MSI2: variants seen among roughly 807,000 people sequenced by gnomAD.
MSI2 encodes the protein musashi RNA binding protein 2.
A neutral mutation model predicts 45.6 loss-of-function variants in MSI2; 17 were observed. The ratio of observed to expected loss-of-function variants is 0.37; its 90% CI spans 0.26 to 0.56. The LOEUF (loss-of-function observed/expected upper bound fraction) is 0.56. Among genes scored for constraint, MSI2 ranks in the 20% least tolerant of loss-of-function variants. MSI2 has a pLI of 0.77. For synonymous variants in MSI2, 156 were observed against 158.2 expected (o/e 0.99, Z 0.11); for missense variants, 293 against 444.2 (o/e 0.66, Z 3.06).
chr17:57,654,709 T>C (rs72834961), intron 11 of MSI2, among the ~76,000 whole-genome samples: 1 of 152,216 alleles, frequency 6.6e-6, no homozygotes, highest in Non-Finnish European at 1.5e-5. Context: ...CATTCCCTTA[T>C]AGGGAGACAC....
At chr17:57,432,234 T>C (rs1800925156) in intron 6 of MSI2, among the ~76,000 whole-genome samples, 1 of 152,126 alleles carries the variant, frequency 6.6e-6, no homozygotes, top group Non-Finnish European at 1.5e-5. Flanking sequence ...GTCTGTGACG[T>C]AGAGGGTGTG....
intron 7 of MSI2, among the ~76,000 whole-genome samples, chr17:57,547,332 T>C (rs943229232): frequency 6.6e-5 from 10 of 152,134 alleles, no homozygotes; most frequent in Admixed American, 3.9e-4. Context: ...GCTGGTGCTC[T>C]AGAAAGATCC....
At chr17:57,290,342 C>T (rs946933877) in intron 5 of MSI2, among the ~76,000 whole-genome samples, 5 of 152,156 alleles carry the variant, frequency 3.3e-5, no homozygotes, top group African/African-American at 4.8e-5. Context: ...CAGAGTCTCC[C>T]TCTGTTACCT....
chr17:57,661,578 G>C (rs1911995375), intron 11 of MSI2, among the ~76,000 whole-genome samples: 1 of 152,178 alleles, frequency 6.6e-6, no homozygotes. Flanking sequence ...GGGGTCTGGG[G>C]CTGGGGCTGG....
chr17:57,569,224 C>T (rs528849304), intron 7 of MSI2, among the ~76,000 whole-genome samples: 17 of 152,248 alleles, frequency 1.1e-4, no homozygotes, highest in Non-Finnish European at 2.2e-4. Flanking sequence ...CAGATGTTCC[C>T]GGAATGGGAA....
At chr17:57,575,147 T>TCCCCCCCCC (rs371180511) in intron 7 of MSI2, among the ~76,000 whole-genome samples, 98 of 119,582 alleles carry the variant, frequency 8.2e-4, no homozygotes, top group African/African-American at 1.4e-3. Flanking sequence ...CTTTTTTAAC[T>TCCCCCCCCC]CCCTCCCCCC....
intron 6 of MSI2, chr17:57,450,324 C>A (rs1031345311): frequency 7.4e-6 from 1 of 134,516 alleles, no homozygotes; most frequent in Non-Finnish European, 1.5e-5. Context: ...AGAAAGAAAA[C>A]CTTTGTTAAA....
intron 5 of MSI2, chr17:57,285,765 C>T: frequency 8.3e-7 from 1 of 1,197,928 alleles, no homozygotes; most frequent in Non-Finnish European, 1.1e-6. Flanking sequence ...ACTCTATTTT[C>T]TTAGCAAGCA....
intron 5 of MSI2, among the ~76,000 whole-genome samples, chr17:57,379,413 A>ATT (rs1416164609): frequency 6.6e-6 from 1 of 151,214 alleles, no homozygotes; most frequent in Non-Finnish European, 1.5e-5. Context: ...TTATGTGGCG[A>ATT]AGCCTTCAAT....
At chr17:57,414,913 G>A (rs746178947) in intron 6 of MSI2, among the ~76,000 whole-genome samples, 2 of 152,160 alleles carry the variant, frequency 1.3e-5, no homozygotes, top group Non-Finnish European at 2.9e-5. Flanking sequence ...GCAGGTTTCG[G>A]CATAGAGGGT....
chr17:57,345,996 C>T (rs894609161), intron 5 of MSI2, among the ~76,000 whole-genome samples: 1 of 152,040 alleles, frequency 6.6e-6, no homozygotes, highest in South Asian at 2.1e-4. Context: ...AGGTAGGTAG[C>T]GGTTGAACAA....
At chr17:57,452,894 G>A (rs2085044953) in intron 6 of MSI2, among the ~76,000 whole-genome samples, 1 of 152,002 alleles carries the variant, frequency 6.6e-6, no homozygotes, top group Non-Finnish European at 1.5e-5. Context: ...GGGGAACTGG[G>A]ATTTGGATGC....
intron 10 of MSI2, among the ~76,000 whole-genome samples, chr17:57,645,367 C>T: frequency 6.6e-6 from 1 of 152,158 alleles, no homozygotes; most frequent in East Asian, 1.9e-4. Flanking sequence ...AGATGTGTGC[C>T]ATAAATTTAC....
intron 13 of MSI2, 109 bp downstream of exon 13, chr17:57,677,168 T>C: frequency 1.3e-6 from 1 of 764,230 alleles, no homozygotes; most frequent in Non-Finnish European, 2.3e-6. Context: ...TCCACATCTC[T>C]CTCTCCTCTT....
chr17:57,682,885 G>A lies in MSI2; in HGVS notation c.*3368G>A, dbSNP rs767599381. ...AGGCGAGTGAGTGGCATTAGCTCCC[G>A]GACCCATTCCCGGTCCTAGCTGGGC... is the stretch of plus-strand genomic sequence containing the variant. On this transcript the variant is annotated 3_prime_UTR_variant, in exon 14 of 14. Coordinates refer to ENST00000284073, the MANE Select transcript of MSI2 (RefSeq NM_138962.4). 2.1e-4 allele frequency: 47 copies of A among 225,746 alleles called. No individual in the cohort carries two copies. The highest frequency in any genetic ancestry group is 1.3e-3 in the Middle Eastern group (1 of 770). 14.0% of individuals were successfully genotyped at this position (225,746 alleles called of 1,614,324 possible).
At chr17:57,269,268 G>A (rs1232997565) in intron 5 of MSI2, among the ~76,000 whole-genome samples, 2 of 152,202 alleles carry the variant, frequency 1.3e-5, no homozygotes, top group South Asian at 4.1e-4. Flanking sequence ...TTTGTAGAAG[G>A]CCTCAAGGGC....
intron 6 of MSI2, among the ~76,000 whole-genome samples, chr17:57,471,626 G>C (rs144895975): frequency 6.6e-6 from 1 of 152,146 alleles, no homozygotes; most frequent in Non-Finnish European, 1.5e-5. Flanking sequence ...ATTACTCTTC[G>C]TGTTTTCTCC....
intron 4 of MSI2, among the ~76,000 whole-genome samples, chr17:57,258,834 G>C (rs1884482809): frequency 6.6e-6 from 1 of 152,184 alleles, no homozygotes; most frequent in Non-Finnish European, 1.5e-5. Context: ...TTGGGATTTG[G>C]AATGTGCTTT....
intron 6 of MSI2, among the ~76,000 whole-genome samples, chr17:57,483,065 T>C (rs964321532): frequency 2.0e-5 from 3 of 152,228 alleles, no homozygotes; most frequent in African/African-American, 7.2e-5. Context: ...CTACTGACCA[T>C]AACATTTCTT....
Sources: gnomAD v4.1 joint callset for allele counts (sites outside exome capture counted in the v4.1 genomes callset) on GRCh38, gnomAD v4.1.1 for gene constraint, MANE v1.5 for transcripts, NCBI Gene and HGNC (gene_info 2026-07-23, HGNC 2026-07-21) for gene names.